The following USP49 variants were observed in gnomAD, a reference collection of about 807,000 sequenced individuals.
USP49 encodes the protein ubiquitin carboxyl-terminal hydrolase 49.
A neutral mutation model predicts 58.6 loss-of-function variants in USP49; 24 were observed. The ratio of observed to expected loss-of-function variants is 0.41; its 90% CI spans 0.30 to 0.58. The LOEUF is 0.58. USP49 is among the 20% of genes least tolerant of loss of function. USP49 has a pLI of 0.30. For synonymous variants in USP49, 408 were observed against 365.1 expected (o/e 1.12, Z -1.34); for missense variants, 703 against 866.1 (o/e 0.81, Z 2.36).
rs553793767 is a variant in USP49, at chr6:41,856,324, G to A, written c.-29+15240C>T. 5.9e-5 allele frequency among the ~76,000 whole-genome samples: 9 copies of A among 151,374 alleles called. No homozygotes were observed. In the East Asian group the frequency reaches 1.6e-3, roughly 26 times the overall value. ...CGGGAGGCGGAGCTTGCAGTGAGCC[G>A]AGATGGCGCCACTGGACTCCAGCCT... On this transcript the variant is annotated intron_variant, in intron 3 of 7. Transcript: ENST00000682992.
chr6:41,847,758 G>A (rs1773948462), intron 3 of USP49, among the ~76,000 whole-genome samples: 1 of 151,914 alleles, frequency 6.6e-6, no homozygotes, highest in Non-Finnish European at 1.5e-5. Flanking sequence ...AAACAGATTG[G>A]CAAAGAGCAC....
At chr6:41,845,113 C>T (rs1773899557) in intron 3 of USP49, among the ~76,000 whole-genome samples, 1 of 152,150 alleles carries the variant, frequency 6.6e-6, no homozygotes. Flanking sequence ...GTTGGTCAGG[C>T]TGGTCTCGAA....
intron 2 of USP49, among the ~76,000 whole-genome samples, chr6:41,871,979 T>C (rs1353798440): frequency 2.0e-5 from 3 of 152,220 alleles, no homozygotes; most frequent in Admixed American, 6.5e-5. Flanking sequence ...CACAAATTCA[T>C]GGTAACAAAA....
In USP49 at chr6:41,833,463, A is replaced by C. The variant is rs145552037; in HGVS notation, c.-28-26452T>G. Among the ~76,000 whole-genome samples, 45 of 152,318 alleles carry C rather than the reference A, an allele frequency of 3.0e-4. No individual in the cohort carries two copies. The East Asian group carries it at 5.6e-3, about 19-fold the overall frequency. ...GCTTCTCAGTAAATGTTTTCTCATTAATTCTCAGTAGAAATAATTTCAGAA... is the reference window on the plus strand; with the variant it reads ...GCTTCTCAGTAAATGTTTTCTCATTCATTCTCAGTAGAAATAATTTCAGAA... On this transcript the variant is annotated intron_variant, in intron 3 of 7. Coordinates refer to ENST00000682992, the MANE Select transcript of USP49 (RefSeq NM_001286554.2).
At position 41,791,618 on chromosome 6, in the gene USP49, C is replaced by T. The variant is rs1167810466; in HGVS notation, c.*4915G>A. 6.6e-6 allele frequency: 1 copy of T among 152,182 alleles called. No homozygotes were observed. The highest frequency in any genetic ancestry group is 1.5e-5 in the Non-Finnish European group (1 of 68,046). The allele number at this position is 152,182 out of a possible 1,614,324, so 9.4% of individuals were successfully genotyped here. On this transcript the variant is annotated 3_prime_UTR_variant, in exon 8 of 8. Coordinates refer to ENST00000682992, the MANE Select transcript of USP49 (RefSeq NM_001286554.2). ...ACTTTTCAGCCCTGGCTAGTTAACA[C>T]AGTACTATGAAAATCTTTAGCTAGA...
chr6:41,863,019 C>T (rs544547185), intron 3 of USP49, among the ~76,000 whole-genome samples: 2 of 152,194 alleles, frequency 1.3e-5, no homozygotes, highest in South Asian at 2.1e-4. Context: ...TCAAGCAATC[C>T]GCCCATCTCA....
chr6:41,819,154 GT>G (rs1437797096), intron 3 of USP49, among the ~76,000 whole-genome samples: 1 of 152,056 alleles, frequency 6.6e-6, no homozygotes, highest in Admixed American at 6.5e-5. Context: ...CAAACAGCAT[GT>G]GGATATCTGC....
At chr6:41,819,638 A>G (rs2127333411) in intron 3 of USP49, among the ~76,000 whole-genome samples, 1 of 152,282 alleles carries the variant, frequency 6.6e-6, no homozygotes, top group East Asian at 1.9e-4. Flanking sequence ...AAAATAGGGG[A>G]TGTAGGCAGT....
chr6:41,804,249 C>A (rs1489051760), intron 4 of USP49, among the ~76,000 whole-genome samples: 2 of 152,092 alleles, frequency 1.3e-5, no homozygotes, highest in African/African-American at 2.4e-5. Flanking sequence ...ACTATACTAA[C>A]CCCCCTTTTC....
intron 3 of USP49, among the ~76,000 whole-genome samples, chr6:41,842,722 TCTGTGCAACTAA>T (rs1445086170): frequency 1.3e-5 from 2 of 152,126 alleles, no homozygotes; most frequent in Non-Finnish European, 2.9e-5. Flanking sequence ...ATGGACAACC[TCTGTGCAACTAA>T]CTGCCCAGAA....
intron 3 of USP49, among the ~76,000 whole-genome samples, chr6:41,858,479 T>C (rs2127353651): frequency 6.6e-6 from 1 of 152,188 alleles, no homozygotes; most frequent in East Asian, 1.9e-4. Flanking sequence ...GCTTTGACTA[T>C]TTCTCTCCAT....
intron 3 of USP49, among the ~76,000 whole-genome samples, chr6:41,823,170 A>G (rs1475528605): frequency 6.6e-6 from 1 of 152,258 alleles, no homozygotes; most frequent in Non-Finnish European, 1.5e-5. Flanking sequence ...ACTCATGCAA[A>G]TAAGAGGATA....
chr6:41,826,731 G>GC (rs1043093355), intron 3 of USP49, among the ~76,000 whole-genome samples: 3 of 151,996 alleles, frequency 2.0e-5, no homozygotes, highest in African/African-American at 7.3e-5. Flanking sequence ...GAGTTCTGGG[G>GC]CCCCCCAAAC....
At chr6:41,887,576 G>C (rs1198073638) in intron 2 of USP49, among the ~76,000 whole-genome samples, 1 of 152,214 alleles carries the variant, frequency 6.6e-6, no homozygotes, top group African/African-American at 2.4e-5. Context: ...GAATAATGGA[G>C]TGGGGCAAAG....
Position 41,806,354 on chromosome 6 carries a change from C to T in USP49, c.630G>A (p.Arg210=). 6.5e-7 allele frequency: 1 copy of T among 1,532,162 alleles called. No homozygotes were observed. The highest frequency in any genetic ancestry group is 8.7e-7 in the Non-Finnish European group (1 of 1,150,852). The allele number at this position is 1,532,162 out of a possible 1,614,324, so 94.9% of individuals were successfully genotyped here. A position where few individuals can be genotyped will look rare whatever the true frequency, so the allele number is the denominator to read the frequency against. The change falls in exon 4 of 8, where the codon CGG becomes CGA. Residue 210 remains arginine (R), a synonymous_variant. Coordinates refer to ENST00000682992, the MANE Select transcript of USP49 (RefSeq NM_001286554.2). This position sits in a 1 kb window ranked among gnomAD's most constrained non-coding sequence, Gnocchi z 5.9. ...CGTCGCGGGGCGTGTGCAGGAGCAGCCGTGCACTCTTGCGCGGAGGGGTGC... is the reference window on the plus strand; with the variant it reads ...CGTCGCGGGGCGTGTGCAGGAGCAGTCGTGCACTCTTGCGCGGAGGGGTGC... ...LASTPPRKSA[R]LLLHTPRDAG...
rs1773114981 is a variant in USP49 at position 41,806,041 on chromosome 6, G to A, written c.943C>T (p.Leu315=). ...TCGGCCCTGTCATTTCTCAAGGACA[G>A]CTCCGTGGCCGAGCTGTTGGTTGGC... ...GKPTNSSATE[L]SLRNDRAEAC... is the part of the protein sequence containing the mutation. Residue 315 remains leucine (L), a synonymous_variant, in exon 4 of 8, where the codon CTG becomes TTG. Coordinates refer to ENST00000682992, the MANE Select transcript of USP49 (RefSeq NM_001286554.2). This position sits in a 1 kb window ranked among gnomAD's most constrained non-coding sequence, Gnocchi z 5.9. The A allele has an allele frequency of 6.2e-7, 1 of 1,613,920 alleles. No individual in the cohort carries two copies. Among genetic ancestry groups the A allele is most frequent in the Non-Finnish European group, 8.5e-7 (1 of 1,180,048 alleles).
chr6:41,891,165 T>G (rs75473338), intron 2 of USP49, among the ~76,000 whole-genome samples: 2,152 of 152,258 alleles, frequency 0.014, 61 homozygotes, highest in African/African-American at 0.049. Context: ...AAGAAGAACT[T>G]GGTGAGGGAG....
chr6:41,834,074 GAAA>G (rs1773683780), intron 3 of USP49, among the ~76,000 whole-genome samples: 1 of 152,204 alleles, frequency 6.6e-6, no homozygotes, highest in Non-Finnish European at 1.5e-5. Context: ...TCACTAGGAA[GAAA>G]TCAAAGTAGG....
At position 41,893,067 on chromosome 6, in the gene USP49, C is replaced by T. The variant is rs575490211; in HGVS notation, c.-184-1192G>A. Among the ~76,000 whole-genome samples, 19 of 152,222 alleles carry T rather than the reference C, an allele frequency of 1.2e-4. No individual in the cohort carries two copies. In the South Asian group the frequency reaches 1.5e-3, roughly 12 times the overall value. ...TAATCTGGCCTTCTTTATTCATAAC[C>T]ATAAAACACGAAAGGCAGTGGAGCT... On this transcript the variant is annotated intron_variant, in intron 1 of 7. Transcript: ENST00000682992.
Sources: gnomAD v4.1 joint callset for allele counts (sites outside exome capture counted in the v4.1 genomes callset) on GRCh38, gnomAD v4.1.1 for gene constraint, Gnocchi (gnomAD v3.1) non-coding constraint, MANE v1.5 for transcripts, NCBI Gene and HGNC (gene_info 2026-07-23, HGNC 2026-07-21) for gene names.